The following TMEM167A variants were observed in gnomAD, a reference collection of about 807,000 sequenced individuals.
TMEM167A encodes protein kish-A.
TMEM167A carries 8 observed loss-of-function variants against 11.6 expected under a neutral mutation model. The ratio of observed to expected loss-of-function variants is 0.69; its 90% CI spans 0.40 to 1.24. The LOEUF (loss-of-function observed/expected upper bound fraction) is 1.24. TMEM167A is among the 50% of genes most tolerant of loss of function. The probability of loss-of-function intolerance (pLI) is 0.01; values close to 1 mark genes in which losing one functional copy is unlikely to be tolerated. For synonymous variants in TMEM167A, 22 were observed against 28.0 expected, an observed-to-expected ratio of 0.79 and a Z score of 0.67; for missense variants, 62 against 87.0, an observed-to-expected ratio of 0.71 and a Z score of 1.14.
intron 1 of TMEM167A, among the ~76,000 whole-genome samples, chr5:83,076,759 C>T (rs961032140): frequency 6.6e-6 from 1 of 152,216 alleles, no homozygotes; most frequent in Non-Finnish European, 1.5e-5. Context: ...GTACATTAAG[C>T]TCCTAGAAGG....
In TMEM167A at chr5:83,061,918, A is replaced by T. The variant is rs1353146667; in HGVS notation, c.114-7T>A. 2 of 1,611,654 alleles carry T rather than the reference A, an allele frequency of 1.2e-6. No individual in the cohort carries two copies. The highest frequency in any genetic ancestry group is 2.2e-5 in the South Asian group (2 of 90,876). On this transcript the variant is annotated splice_region_variant and splice_polypyrimidine_tract_variant and intron_variant, in intron 2 of 3. Coordinates refer to ENST00000502346, the MANE Select transcript of TMEM167A (RefSeq NM_174909.5). Reference sequence around the variant, plus strand: ...CCAAAATATACCCAACAATCTGCATAGAATAAAAAAAGAAAAAAAGTAGCT... The same window carrying T: ...CCAAAATATACCCAACAATCTGCATTGAATAAAAAAAGAAAAAAAGTAGCT...
chr5:83,064,083 C>A, intron 2 of TMEM167A: 1 of 321,520 alleles, frequency 3.1e-6, no homozygotes. Flanking sequence ...TATAAATCAA[C>A]ATAAAATGGT....
intron 3 of TMEM167A, among the ~76,000 whole-genome samples, chr5:83,061,349 G>A (rs1435220797): frequency 1.3e-5 from 2 of 152,144 alleles, no homozygotes; most frequent in Non-Finnish European, 2.9e-5. Flanking sequence ...CATGGTATTT[G>A]ATATCTAAAT....
At chr5:83,066,117 AAGAG>A (rs1219136258) in intron 1 of TMEM167A, among the ~76,000 whole-genome samples, 1 of 151,382 alleles carries the variant, frequency 6.6e-6, no homozygotes. Context: ...GAAGCCCAAT[AAGAG>A]AGAGTTGAAA....
chr5:83,065,538 A>G (rs1402305791), intron 1 of TMEM167A, among the ~76,000 whole-genome samples: 1 of 152,110 alleles, frequency 6.6e-6, no homozygotes, highest in Non-Finnish European at 1.5e-5. Context: ...AAAGTTATTC[A>G]TTACAGGTTG....
intron 1 of TMEM167A, among the ~76,000 whole-genome samples, chr5:83,073,424 G>GC (rs1355727391): frequency 3.9e-5 from 6 of 152,278 alleles, no homozygotes; most frequent in Admixed American, 2.6e-4. Context: ...AGTCACAAAA[G>GC]CATCACCAAA....
rs956409282 is a variant in TMEM167A, at chr5:83,056,911, T to C, written c.*173A>G. ...AGACTATTAAATGGTTACATCTTAA[T>C]TGTTTATACAGAACATTGGTCCAAT... On this transcript the variant is annotated 3_prime_UTR_variant, in exon 4 of 4. Transcript: ENST00000502346. 1.5e-6 allele frequency: 1 copy of C among 660,472 alleles called. No homozygotes were observed. The highest frequency in any genetic ancestry group is 1.8e-5 in the African/African-American group (1 of 54,630). 40.9% of individuals were successfully genotyped at this position (660,472 alleles called of 1,614,324 possible).
In TMEM167A at chr5:83,056,075, A is replaced by T. The variant is rs2112236576; in HGVS notation, c.*1009T>A. 1 of 152,112 alleles carries T rather than the reference A, an allele frequency of 6.6e-6. No individual in the cohort carries two copies. Among genetic ancestry groups the T allele is most frequent in the East Asian group, 1.9e-4 (1 of 5,184 alleles). The allele number at this position is 152,112 out of a possible 1,614,324, so 9.4% of individuals were successfully genotyped here. A position where few individuals can be genotyped will look rare whatever the true frequency, so the allele number is the denominator to read the frequency against. On this transcript the variant is annotated 3_prime_UTR_variant, in exon 4 of 4. Coordinates refer to ENST00000502346, the MANE Select transcript of TMEM167A (RefSeq NM_174909.5). ...AAATTGTTGAAGGTCTCCTTTCACT[A>T]TCAAAGTTCAAAGATACTTGTGCCA...
chr5:83,056,704 G>T lies in TMEM167A; in HGVS notation c.*380C>A. On this transcript the variant is annotated 3_prime_UTR_variant, in exon 4 of 4. Transcript: ENST00000502346. ...TTAATAAAAAAGCTAGTCCAAAAAA[G>T]GTTCTCATTCTATAAAGATTAAATC... 4.2e-6 allele frequency: 1 copy of T among 236,224 alleles called. No homozygotes were observed. Among genetic ancestry groups the T allele is most frequent in the Non-Finnish European group, 8.2e-6 (1 of 121,424 alleles). The allele number at this position is 236,224 out of a possible 1,614,324, so 14.6% of individuals were successfully genotyped here. A position where few individuals can be genotyped will look rare whatever the true frequency, so the allele number is the denominator to read the frequency against.
chr5:83,064,151 C>T (rs1341252209), intron 2 of TMEM167A: 4 of 444,238 alleles, frequency 9.0e-6, no homozygotes, highest in African/African-American at 8.3e-5. Context: ...AAACAGTTGA[C>T]TGTATTAGTA....
chr5:83,065,126 A>C lies in TMEM167A; in HGVS notation c.4-9T>G. ...AAATTGAAAATGGCAGACTAAAAAG[A>C]AAAAAAAAAAAGAAAAATTAATATC... On this transcript the variant is annotated splice_polypyrimidine_tract_variant and intron_variant, in intron 1 of 3. Transcript: ENST00000502346. 1 of 717,744 alleles carries C rather than the reference A, an allele frequency of 1.4e-6. No individual in the cohort carries two copies. Among genetic ancestry groups the C allele is most frequent in the Non-Finnish European group, 1.9e-6 (1 of 517,418 alleles). 44.5% of individuals were successfully genotyped at this position (717,744 alleles called of 1,614,324 possible).
intron 3 of TMEM167A, among the ~76,000 whole-genome samples, chr5:83,060,533 C>G (rs565117036): frequency 6.8e-6 from 1 of 147,728 alleles, no homozygotes; most frequent in African/African-American, 2.5e-5. Flanking sequence ...ATTTATTATT[C>G]AAGAATACTG....
intron 2 of TMEM167A, 182 bp from the exon 3 acceptor site, chr5:83,062,093 T>C (rs1308503306): frequency 1.9e-6 from 1 of 540,156 alleles, no homozygotes; most frequent in Non-Finnish European, 3.3e-6. Context: ...TAGGACACAA[T>C]GACATATCAA....
chr5:83,054,727 A>G lies in TMEM167A; in HGVS notation c.*2357T>C, dbSNP rs1458230491. On this transcript the variant is annotated 3_prime_UTR_variant, in exon 4 of 4. Transcript: ENST00000502346. ...AGGGAGAAGAGCAGGGAAAATAACTACTGGGTACTAGGCTTAGCACCTGGG... is the reference window on the plus strand; with the variant it reads ...AGGGAGAAGAGCAGGGAAAATAACTGCTGGGTACTAGGCTTAGCACCTGGG... 2 of 151,980 alleles carry G rather than the reference A, an allele frequency of 1.3e-5. No homozygotes were observed. 9.4% of individuals were successfully genotyped at this position (151,980 alleles called of 1,614,324 possible).
Position 83,077,314 on chromosome 5 carries a change from T to G in TMEM167A, c.3+7A>C, listed in dbSNP as rs767528746. On this transcript the variant is annotated splice_region_variant and intron_variant, in intron 1 of 3. Transcript: ENST00000502346. ...ATCAACCGCGACCTGGGAGCCCCAC[T>G]TCTTACCATAGCGAGGCCGGCGATG... 3 of 1,614,210 alleles carry G rather than the reference T, an allele frequency of 1.9e-6. No individual in the cohort carries two copies. The highest frequency in any genetic ancestry group is 2.5e-6 in the Non-Finnish European group (3 of 1,180,024).
chr5:83,066,767 T>TG (rs1299787467), intron 1 of TMEM167A, among the ~76,000 whole-genome samples: 1 of 151,774 alleles, frequency 6.6e-6, no homozygotes, highest in Admixed American at 6.6e-5. Flanking sequence ...GACGGGGTGG[T>TG]GGGGGGTAGA....
chr5:83,057,737 G>T (rs913238289), intron 3 of TMEM167A, among the ~76,000 whole-genome samples: 2 of 152,052 alleles, frequency 1.3e-5, no homozygotes, highest in Non-Finnish European at 2.9e-5. Context: ...TGCTTACTCT[G>T]GGTTAGAAAA....
In TMEM167A at chr5:83,056,770, A is replaced by T. The variant is rs1744337507; in HGVS notation, c.*314T>A. ...TGAAAGGAACTTGAGTAATTAACCA[A>T]TTTTGTTTTCTACTATGTGCCTTAG... On this transcript the variant is annotated 3_prime_UTR_variant, in exon 4 of 4. Coordinates refer to ENST00000502346, the MANE Select transcript of TMEM167A (RefSeq NM_174909.5). The T allele has an allele frequency of 3.2e-6, 1 of 309,954 alleles. No individual in the cohort carries two copies. The highest frequency in any genetic ancestry group is 2.2e-5 in the African/African-American group (1 of 44,706). 19.2% of individuals were successfully genotyped at this position (309,954 alleles called of 1,614,324 possible). A position where few individuals can be genotyped will look rare whatever the true frequency, so the allele number is the denominator to read the frequency against.
At chr5:83,066,479 T>C (rs1744482806) in intron 1 of TMEM167A, among the ~76,000 whole-genome samples, 1 of 152,152 alleles carries the variant, frequency 6.6e-6, no homozygotes, top group African/African-American at 2.4e-5. Flanking sequence ...GCCTTCATAA[T>C]CATATTATCA....
Sources: allele counts gnomAD v4.1 joint callset (sites outside exome capture counted in the v4.1 genomes callset), GRCh38; gene constraint gnomAD v4.1.1; transcripts MANE v1.5; gene names NCBI Gene and HGNC (gene_info 2026-07-23, HGNC 2026-07-21).